The following SPTBN1 variants were observed in gnomAD, a reference collection of about 807,000 sequenced individuals.
The protein encoded by SPTBN1 is spectrin beta chain, non-erythrocytic 1.
A neutral mutation model predicts 266.4 loss-of-function variants in SPTBN1; 32 were observed. The observed-to-expected ratio is 0.12, with a 90% CI of 0.09 to 0.16. The LOEUF (loss-of-function observed/expected upper bound fraction) is 0.16, where lower values mean the gene tolerates loss of function less well. Among genes scored for constraint, SPTBN1 ranks in the 10% least tolerant of loss-of-function variants. The pLI is 1.00. For missense variants in SPTBN1, 2,296 were observed against 3,067.1 expected (o/e 0.75, Z 5.94); for synonymous variants, 1,336 against 1,162.2 (o/e 1.15, Z -3.04).
chr2:54,628,003 C>G lies in SPTBN1; in HGVS notation c.1645-94C>G. ...ATGGCAGACTAGAGGGAAGGCATAG[C>G]TTCATTGCTGGCTCTCTGCTTGTCG... On this transcript the variant is annotated intron_variant, in intron 12 of 35. Transcript: ENST00000356805. This position sits in a 1 kb window ranked among gnomAD's most constrained non-coding sequence, Gnocchi z 4.3. 6.9e-7 allele frequency: 1 copy of G among 1,456,788 alleles called. No individual in the cohort carries two copies. The highest frequency in any genetic ancestry group is 9.2e-7 in the Non-Finnish European group (1 of 1,082,782). 90.2% of individuals were successfully genotyped at this position (1,456,788 alleles called of 1,614,324 possible). A position where few individuals can be genotyped will look rare whatever the true frequency, so the allele number is the denominator to read the frequency against.
intron 32 of SPTBN1, 133 bp downstream of exon 32, chr2:54,660,132 G>T: frequency 6.4e-7 from 1 of 1,570,482 alleles, no homozygotes; most frequent in South Asian, 1.2e-5. Context: ...AATCCTCTGG[G>T]TTTTGACTTT....
At chr2:54,526,710 C>G (rs1027706914) in intron 2 of SPTBN1, 144 bp downstream of exon 2, 1 of 1,013,218 alleles carries the variant, frequency 9.9e-7, no homozygotes, top group South Asian at 2.4e-5. Context: ...GCCAGCTGAC[C>G]ATTTTATAAG....
chr2:54,470,637 T>C (rs1693872333), intron 1 of SPTBN1, among the ~76,000 whole-genome samples: 1 of 152,206 alleles, frequency 6.6e-6, no homozygotes, highest in African/African-American at 2.4e-5. Flanking sequence ...ATATTAAAAA[T>C]TAGAGAGTAC....
chr2:54,488,165 A>G (rs1035727934), intron 1 of SPTBN1, among the ~76,000 whole-genome samples: 3 of 152,012 alleles, frequency 2.0e-5, no homozygotes, highest in Admixed American at 2.0e-4. Flanking sequence ...TCTAGTCACT[A>G]GGTCCAGGAG....
intron 2 of SPTBN1, among the ~76,000 whole-genome samples, chr2:54,576,434 A>T (rs1279241652): frequency 1.3e-5 from 2 of 151,736 alleles, no homozygotes; most frequent in African/African-American, 4.8e-5. Flanking sequence ...GTGTAGGTCC[A>T]GGAAAACAGC....
At chr2:54,567,501 T>C (rs528048581) in intron 2 of SPTBN1, among the ~76,000 whole-genome samples, 138 of 134,182 alleles carry the variant, frequency 1.0e-3, no homozygotes, top group Non-Finnish European at 1.6e-3. Context: ...CCACCCACCA[T>C]GCCCAGCAAT....
chr2:54,582,038 T>C (rs754287432), intron 2 of SPTBN1, among the ~76,000 whole-genome samples: 3 of 151,484 alleles, frequency 2.0e-5, no homozygotes, highest in Non-Finnish European at 4.4e-5. Flanking sequence ...GAAACCAAGG[T>C]AGAGAAAAAA....
chr2:54,553,737 C>G (rs17039558), intron 2 of SPTBN1, among the ~76,000 whole-genome samples: 22,955 of 152,184 alleles, frequency 0.15, 1,819 homozygotes, highest in Middle Eastern at 0.21. Context: ...GTGTACAAAT[C>G]CCATCACATT....
chr2:54,617,837 A>C, intron 6 of SPTBN1, 149 bp downstream of exon 6: 1 of 746,516 alleles, frequency 1.3e-6, no homozygotes, highest in South Asian at 1.9e-5. Context: ...ATATGGGAGA[A>C]TATATAAATT....
intron 3 of SPTBN1, among the ~76,000 whole-genome samples, chr2:54,601,310 A>C (rs1225300243): frequency 6.6e-6 from 1 of 152,218 alleles, no homozygotes; most frequent in Non-Finnish European, 1.5e-5. Flanking sequence ...CCATAGATAG[A>C]GTGCTCTTAA....
chr2:54,518,667 C>A (rs910298195), intron 1 of SPTBN1, among the ~76,000 whole-genome samples: 1 of 152,128 alleles, frequency 6.6e-6, no homozygotes, highest in South Asian at 2.1e-4. Flanking sequence ...TAAGTGTTTG[C>A]AGAACATTTG....
At position 54,660,057 on chromosome 2, in the gene SPTBN1, G is replaced by C. The variant is rs751180967; in HGVS notation, c.6420+58G>C. On this transcript the variant is annotated intron_variant, in intron 32 of 35. Coordinates refer to ENST00000356805, the MANE Select transcript of SPTBN1 (RefSeq NM_003128.3). ...CAAAAACTTTAATAGCAGACGGACA[G>C]CCAGTGACCAGCCATGGTCTGGACT... is the stretch of plus-strand genomic sequence containing the variant. 1.9e-6 allele frequency: 3 copies of C among 1,614,096 alleles called. No homozygotes were observed. In the African/African-American group the frequency reaches 4.0e-5, roughly 22 times the overall value.
intron 2 of SPTBN1, among the ~76,000 whole-genome samples, chr2:54,556,754 A>G (rs901370269): frequency 2.0e-5 from 3 of 152,064 alleles, no homozygotes; most frequent in African/African-American, 4.8e-5. Context: ...CTTAATTTTG[A>G]AAGTATGATA....
Position 54,622,282 on chromosome 2 carries a change from T to C in SPTBN1, c.877-18T>C. ...GGAGTGACATGATCTTTTCAATTTTTCTATCCCTTGTTGCCAGGTGCTTGA... is the reference window on the plus strand; with the variant it reads ...GGAGTGACATGATCTTTTCAATTTTCCTATCCCTTGTTGCCAGGTGCTTGA... On this transcript the variant is annotated intron_variant, in intron 8 of 35. Transcript: ENST00000356805. 4 of 1,612,284 alleles carry C rather than the reference T, an allele frequency of 2.5e-6. No homozygotes were observed. Among genetic ancestry groups the C allele is most frequent in the Non-Finnish European group, 3.4e-6 (4 of 1,178,780 alleles).
In SPTBN1 at chr2:54,486,354, CT is replaced by C. The variant is rs1288479019; in HGVS notation, c.-48+29840del. Among the ~76,000 whole-genome samples, 17 of 152,118 alleles carry C rather than the reference CT, an allele frequency of 1.1e-4. No individual in the cohort carries two copies. The South Asian group carries it at 3.1e-3, about 28-fold the overall frequency. On this transcript the variant is annotated intron_variant, in intron 1 of 35. Coordinates refer to ENST00000356805, the MANE Select transcript of SPTBN1 (RefSeq NM_003128.3). ...TGTAGAAAGAAGTAGACATGGGAGACTTTTCATTTTGTTCTGTACTAAGAAA... is the reference window on the plus strand; with the variant it reads ...TGTAGAAAGAAGTAGACATGGGAGACTTTCATTTTGTTCTGTACTAAGAAA...
chr2:54,603,938 G>T (rs1287757518), intron 3 of SPTBN1, among the ~76,000 whole-genome samples: 1 of 152,206 alleles, frequency 6.6e-6, no homozygotes, highest in Non-Finnish European at 1.5e-5. Flanking sequence ...GTAGACTTCA[G>T]CTTTGGTGCT....
intron 26 of SPTBN1, among the ~76,000 whole-genome samples, chr2:54,652,078 A>G (rs983527477): frequency 6.6e-6 from 1 of 151,994 alleles, no homozygotes; most frequent in African/African-American, 2.4e-5. Flanking sequence ...CTCATAATCC[A>G]GGACAGTTGT....
chr2:54,666,236 C>A (rs971279280), intron 34 of SPTBN1, 148 bp downstream of exon 34: 2 of 877,204 alleles, frequency 2.3e-6, no homozygotes, highest in East Asian at 2.7e-5. Flanking sequence ...CAGTTTGGCA[C>A]GTGTCTCGGT....
At chr2:54,530,540 G>T (rs570487790) in intron 2 of SPTBN1, among the ~76,000 whole-genome samples, 62 of 151,490 alleles carry the variant, frequency 4.1e-4, no homozygotes, top group African/African-American at 1.4e-3. Flanking sequence ...TGTATTTTTC[G>T]TAGAGACGGG....
Sources: gnomAD v4.1 joint callset for allele counts (sites outside exome capture counted in the v4.1 genomes callset) on GRCh38, gnomAD v4.1.1 for gene constraint, Gnocchi (gnomAD v3.1) non-coding constraint, MANE v1.5 for transcripts, NCBI Gene and HGNC (gene_info 2026-07-23, HGNC 2026-07-21) for gene names.